Variants in PWP1 observed in about 807,000 individuals in gnomAD.
The protein encoded by PWP1 is PWP1 homolog, endonuclein, also known as periodic tryptophan protein 1 homolog.
A neutral mutation model predicts 69.9 loss-of-function variants in PWP1; 47 were observed. The observed-to-expected ratio is 0.67, with a 90% CI of 0.53 to 0.86. The LOEUF is 0.86. Among genes scored for constraint, PWP1 ranks in the 40% least tolerant of loss-of-function variants. The probability of loss-of-function intolerance (pLI) is 0.00; values close to 1 mark genes in which losing one functional copy is unlikely to be tolerated. For missense variants in PWP1, 551 were observed against 608.8 expected (o/e 0.91, Z 1.00); for synonymous variants, 222 against 208.2 (o/e 1.07, Z -0.57).
intron 5 of PWP1, among the ~76,000 whole-genome samples, chr12:107,695,556 G>A (rs78614387): frequency 0.053 from 8,136 of 152,206 alleles, 736 homozygotes; most frequent in African/African-American, 0.19. Context: ...GTTTCACTGT[G>A]TAATTTTTAA....
At chr12:107,692,237 C>T (rs537024121) in intron 3 of PWP1, among the ~76,000 whole-genome samples, 1 of 152,328 alleles carries the variant, frequency 6.6e-6, no homozygotes, top group African/African-American at 2.4e-5. Flanking sequence ...CTGAGTTATC[C>T]TTTGTTACCA....
intron 1 of PWP1, among the ~76,000 whole-genome samples, chr12:107,688,183 T>C (rs1889410142): frequency 6.6e-6 from 1 of 152,128 alleles, no homozygotes; most frequent in Non-Finnish European, 1.5e-5. Context: ...ACAGCCACTT[T>C]ACCAAAACCA....
At chr12:107,708,903 T>G in intron 11 of PWP1, 23 bp from the exon 12 acceptor site, 1 of 1,603,590 alleles carries the variant, frequency 6.2e-7, no homozygotes. Context: ...AGCATGACCT[T>G]GCCCATCTTT....
At chr12:107,698,661 T>G (rs939194464) in intron 7 of PWP1, among the ~76,000 whole-genome samples, 2 of 152,262 alleles carry the variant, frequency 1.3e-5, no homozygotes, top group African/African-American at 4.8e-5. Context: ...TATAGTTCAC[T>G]GCAGCCTGAA....
intron 5 of PWP1, among the ~76,000 whole-genome samples, chr12:107,696,029 C>CTTTTTTTT (rs397700499): frequency 8.7e-5 from 9 of 103,738 alleles, no homozygotes; most frequent in Non-Finnish European, 1.6e-4. Context: ...ATATTGGAAT[C>CTTTTTTTT]TTTTTTTTTT....
In PWP1 at chr12:107,700,550, T is replaced by A. The variant is rs190054580; in HGVS notation, c.806+1116T>A. ...CTAAATAATATTCCATTGTATGTAA[T>A]GTATGTTACCCGTTCATTTACGTGT... On this transcript the variant is annotated intron_variant, in intron 8 of 14. Coordinates refer to ENST00000412830, the MANE Select transcript of PWP1 (RefSeq NM_007062.3). Among the ~76,000 whole-genome samples, 351 of 152,328 alleles carry A rather than the reference T, an allele frequency of 2.3e-3. 5 individuals are homozygous for A. Among genetic ancestry groups the A allele is most frequent in the Non-Finnish European group, 3.4e-4 (23 of 68,026 alleles).
intron 5 of PWP1, 30 bp from the exon 6 acceptor site, chr12:107,696,444 C>T (rs751892446): frequency 8.7e-6 from 14 of 1,606,244 alleles, no homozygotes; most frequent in Non-Finnish European, 1.1e-5. Context: ...CATTCTGATA[C>T]ATTAAAGTCT....
chr12:107,712,244 TACC>T lies in PWP1; in HGVS notation c.*25_*27del. 1 of 1,572,464 alleles carries T rather than the reference TACC, an allele frequency of 6.4e-7. No homozygotes were observed. Among genetic ancestry groups the T allele is most frequent in the Non-Finnish European group, 8.7e-7 (1 of 1,143,460 alleles). On this transcript the variant is annotated 3_prime_UTR_variant, in exon 15 of 15. Transcript: ENST00000412830. ...AATGAAGATCATCTAATTTCCTGCT[TACC>T]TTAACTGGGAATTTTAAAAAGTTGG... is the stretch of plus-strand genomic sequence containing the variant.
intron 10 of PWP1, 125 bp from the exon 11 acceptor site, chr12:107,704,511 G>A (rs549756436): frequency 4.6e-6 from 3 of 646,270 alleles, no homozygotes; most frequent in East Asian, 5.8e-5. Flanking sequence ...ACTTTATTTA[G>A]AACCTTAAAA....
rs1302645448 is a variant in PWP1 at position 107,696,183 on chromosome 12, C to A, written c.503-291C>A. Among the ~76,000 whole-genome samples the A allele has an allele frequency of 2.0e-5, 3 of 152,002 alleles. No homozygotes were observed. In the East Asian group the frequency reaches 5.8e-4, roughly 29 times the overall value. ...TAGTAGCTGGGACTACAGGCACGTA[C>A]CACCACACCCAGCTAATTTTTGTAT... On this transcript the variant is annotated intron_variant, in intron 5 of 14. Coordinates refer to ENST00000412830, the MANE Select transcript of PWP1 (RefSeq NM_007062.3).
At position 107,696,570 on chromosome 12, in the gene PWP1, C is replaced by T; in HGVS notation, c.599C>T (p.Pro200Leu). 1.9e-6 allele frequency: 3 copies of T among 1,614,084 alleles called. No homozygotes were observed. In the South Asian group the frequency reaches 3.3e-5, roughly 18 times the overall value. ...GAATGGCTGAATTTTGATCCTAGCCCAGATGATTCTACTGGTAATTAGAAA... is the reference window on the plus strand; with the variant it reads ...GAATGGCTGAATTTTGATCCTAGCCTAGATGATTCTACTGGTAATTAGAAA... ...SVEWLNFDPS[P>L]DDSTGNYIAV... Residue 200 changes from proline (P) to leucine (L), a missense_variant, in exon 6 of 15, where the codon CCA (proline) becomes CTA (leucine). Pro to Leu is a moderately conservative substitution (Grantham distance 98, BLOSUM62 -3). Coordinates refer to ENST00000412830, the MANE Select transcript of PWP1 (RefSeq NM_007062.3).
At chr12:107,692,480 CTCCGTA>C (rs1889499375) in intron 3 of PWP1, among the ~76,000 whole-genome samples, 1 of 152,176 alleles carries the variant, frequency 6.6e-6, no homozygotes, top group Non-Finnish European at 1.5e-5. Flanking sequence ...AAGGCTGCCT[CTCCGTA>C]TCACCTTCAA....
chr12:107,710,541 C>G, intron 14 of PWP1, 31 bp downstream of exon 14: 1 of 1,549,128 alleles, frequency 6.5e-7, no homozygotes, highest in Non-Finnish European at 8.7e-7. Flanking sequence ...GCACACCTCC[C>G]CCTGCCCCTG....
intron 13 of PWP1, among the ~76,000 whole-genome samples, chr12:107,710,132 CAGAGTGATAACGAAGA>C (rs1346753245): frequency 6.6e-6 from 1 of 152,150 alleles, no homozygotes; most frequent in African/African-American, 2.4e-5. Context: ...CCCTAAGAGA[CAGAGTGATAACGAAGA>C]TGAGTGGCCT....
At chr12:107,702,163 T>A (rs568964355) in intron 8 of PWP1, among the ~76,000 whole-genome samples, 3 of 152,230 alleles carry the variant, frequency 2.0e-5, no homozygotes, top group Non-Finnish European at 4.4e-5. Flanking sequence ...CCAGGAAATA[T>A]GAACTTGCCA....
In PWP1 at chr12:107,688,435, T is replaced by C; in HGVS notation, c.73-13T>C. ...CTTACACATATTGTAATGAAATCTT[T>C]GCTCTCTTACAGGTAGAGCTGAGTA... On this transcript the variant is annotated splice_polypyrimidine_tract_variant and intron_variant, in intron 1 of 14. Coordinates refer to ENST00000412830, the MANE Select transcript of PWP1 (RefSeq NM_007062.3). The C allele has an allele frequency of 6.3e-7, 1 of 1,596,984 alleles. No individual in the cohort carries two copies. The highest frequency in any genetic ancestry group is 1.1e-5 in the South Asian group (1 of 87,186).
In PWP1 at chr12:107,708,966, G is replaced by A. The variant is rs577755875; in HGVS notation, c.1118G>A (p.Arg373His). ...GGCTTTGTATATAATTTGGATGCAC[G>A]TTCAGATAAGCCAATTTTTACACTT... ...DDGFVYNLDA[R>H]SDKPIFTLNA... Residue 373 changes from arginine (R) to histidine (H), a missense_variant, in exon 12 of 15, where the codon CGT becomes CAT. Coordinates refer to ENST00000412830, the MANE Select transcript of PWP1 (RefSeq NM_007062.3). 35 of 1,613,792 alleles carry A rather than the reference G, an allele frequency of 2.2e-5. No homozygotes were observed. Among genetic ancestry groups the A allele is most frequent in the Admixed American group, 1.2e-4 (7 of 59,940 alleles).
At chr12:107,689,001 A>T (rs1413184019) in intron 3 of PWP1, among the ~76,000 whole-genome samples, 199 bp downstream of exon 3, 1 of 152,172 alleles carries the variant, frequency 6.6e-6, no homozygotes, top group Non-Finnish European at 1.5e-5. Flanking sequence ...CAAATCTAGG[A>T]TCTAAAAAAA....
At chr12:107,706,216 A>G (rs568695221) in intron 11 of PWP1, among the ~76,000 whole-genome samples, 2 of 152,310 alleles carry the variant, frequency 1.3e-5, no homozygotes, top group African/African-American at 4.8e-5. Flanking sequence ...GTGTCTATTC[A>G]TATCCTTCGC....
Sources: allele counts gnomAD v4.1 joint callset (sites outside exome capture counted in the v4.1 genomes callset), GRCh38; gene constraint gnomAD v4.1.1; transcripts MANE v1.5; gene names NCBI Gene and HGNC (gene_info 2026-07-23, HGNC 2026-07-21).